COL14A1: variants seen among roughly 807,000 people sequenced by gnomAD.
COL14A1 encodes the protein collagen type XIV alpha 1 chain, also known as collagen alpha-1(XIV) chain.
A neutral mutation model predicts 230.3 loss-of-function variants in COL14A1; 136 were observed. That is an observed-to-expected ratio of 0.59 (90% CI 0.51 to 0.68). The LOEUF is 0.68. Ranked by LOEUF, COL14A1 falls within the 30% of genes least tolerant of loss-of-function variation. The probability of loss-of-function intolerance (pLI) is 0.00; values close to 1 mark genes in which losing one functional copy is unlikely to be tolerated. For synonymous variants in COL14A1, 792 were observed against 784.1 expected (o/e 1.01, Z -0.17); for missense variants, 1,976 against 2,215.8 (o/e 0.89, Z 2.17).
intron 13 of COL14A1, among the ~76,000 whole-genome samples, chr8:120,216,119 C>T (rs1817742110): frequency 6.6e-6 from 1 of 152,086 alleles, no homozygotes; most frequent in South Asian, 2.1e-4. Context: ...TTATTTCTAA[C>T]CATGTGTAAC....
intron 40 of COL14A1, among the ~76,000 whole-genome samples, chr8:120,327,136 GA>G (rs1821701696): frequency 6.6e-6 from 1 of 152,166 alleles, no homozygotes; most frequent in African/African-American, 2.4e-5. Context: ...GACAGTCCAT[GA>G]AAAAAGTGCC....
chr8:120,242,483 T>C (rs146710367), intron 19 of COL14A1, among the ~76,000 whole-genome samples: 6 of 152,318 alleles, frequency 3.9e-5, no homozygotes, highest in African/African-American at 1.4e-4. Flanking sequence ...GATGGACAAA[T>C]TGAAATGAAT....
intron 26 of COL14A1, 140 bp from the exon 27 acceptor site, chr8:120,277,971 G>A: frequency 1.3e-6 from 1 of 756,394 alleles, no homozygotes; most frequent in Non-Finnish European, 2.0e-6. Context: ...TATGTAACTT[G>A]TATGAAAGAA....
intron 14 of COL14A1, among the ~76,000 whole-genome samples, chr8:120,224,065 C>T (rs1036923610): frequency 8.0e-6 from 1 of 125,670 alleles, no homozygotes; most frequent in Non-Finnish European, 1.6e-5. Context: ...CTCATTCTGT[C>T]ACCCAGGCTG....
At chr8:120,289,845 G>C (rs1820318594) in intron 34 of COL14A1, 79 bp downstream of exon 34, 3 of 1,438,482 alleles carry the variant, frequency 2.1e-6, no homozygotes, top group Non-Finnish European at 2.8e-6. Context: ...ATTTTCCAGG[G>C]GAAAGGTTTA....
chr8:120,357,637 C>G (rs1339267907), intron 45 of COL14A1, among the ~76,000 whole-genome samples: 1 of 152,082 alleles, frequency 6.6e-6, no homozygotes, highest in Admixed American at 6.6e-5. Context: ...TAAAACAAGT[C>G]CTTCTGGCTG....
intron 36 of COL14A1, among the ~76,000 whole-genome samples, chr8:120,305,697 T>C (rs1207971724): frequency 6.6e-6 from 1 of 152,182 alleles, no homozygotes; most frequent in Non-Finnish European, 1.5e-5. Flanking sequence ...TCTTAATTTC[T>C]TAATTTTTGC....
At chr8:120,215,970 G>C (rs1817737855) in intron 13 of COL14A1, among the ~76,000 whole-genome samples, 1 of 152,192 alleles carries the variant, frequency 6.6e-6, no homozygotes, top group African/African-American at 2.4e-5. Flanking sequence ...CTTAGAGGTA[G>C]AGTGGCTTTG....
At chr8:120,230,866 C>G (rs530951662) in intron 18 of COL14A1, among the ~76,000 whole-genome samples, 39 of 152,264 alleles carry the variant, frequency 2.6e-4, no homozygotes, top group Admixed American at 2.2e-3. Flanking sequence ...AATAAGGGAG[C>G]AGGCACCTTG....
intron 24 of COL14A1, among the ~76,000 whole-genome samples, chr8:120,265,536 T>C (rs1819476930): frequency 1.3e-5 from 2 of 151,870 alleles, no homozygotes; most frequent in South Asian, 4.2e-4. Context: ...CCTCCCTCTT[T>C]CCTTGTTCTT....
intron 2 of COL14A1, among the ~76,000 whole-genome samples, chr8:120,150,775 T>C (rs1815254949): frequency 6.6e-6 from 1 of 152,026 alleles, no homozygotes; most frequent in African/African-American, 2.4e-5. Flanking sequence ...AGATGGCTGG[T>C]AGGCAGTTGG....
At position 120,147,927 on chromosome 8, in the gene COL14A1, C is replaced by G. The variant is rs1224150412; in HGVS notation, c.85C>G (p.Gln29Glu). 9.9e-6 allele frequency: 16 copies of G among 1,611,972 alleles called. No homozygotes were observed. The highest frequency in any genetic ancestry group is 1.4e-5 in the Non-Finnish European group (16 of 1,178,410). ...IVYFCTIVQG[Q>E]VAPPTRLRYN... ...TTATTTCTGCACCATTGTCCAAGGT[C>G]AAGGTAATTGAAAACTTTGAGAATC... Residue 29 changes from glutamine to glutamate, a missense_variant, in exon 2 of 48, where the codon CAA becomes GAA. Around this residue, in one of 3 missense-constraint regions of COL14A1, gnomAD observed 181 missense variants for 178.6 expected, o/e 1.01. Coordinates refer to ENST00000297848, the MANE Select transcript of COL14A1 (RefSeq NM_021110.4).
chr8:120,155,243 A>T (rs1328524209), intron 2 of COL14A1, among the ~76,000 whole-genome samples: 1 of 152,210 alleles, frequency 6.6e-6, no homozygotes, highest in Non-Finnish European at 1.5e-5. Flanking sequence ...TTAATGAAAG[A>T]GTAGAGTATT....
At chr8:120,126,500 G>A (rs1051364509) in intron 1 of COL14A1, among the ~76,000 whole-genome samples, 2 of 152,200 alleles carry the variant, frequency 1.3e-5, no homozygotes, top group East Asian at 1.9e-4. Flanking sequence ...AGCTGAAGGG[G>A]GTGGGAGTGG....
chr8:120,181,174 C>G (rs1816452972), intron 5 of COL14A1, among the ~76,000 whole-genome samples: 1 of 151,200 alleles, frequency 6.6e-6, no homozygotes, highest in South Asian at 2.1e-4. Context: ...ACTGAGATAT[C>G]TGGATTGAGA....
chr8:120,286,372 A>G (rs1043797194), intron 33 of COL14A1, among the ~76,000 whole-genome samples: 2 of 152,218 alleles, frequency 1.3e-5, no homozygotes, highest in African/African-American at 4.8e-5. Flanking sequence ...TAAAATGTGC[A>G]GATAGGGATA....
At chr8:120,238,020 C>T (rs1818500935) in intron 19 of COL14A1, among the ~76,000 whole-genome samples, 1 of 152,146 alleles carries the variant, frequency 6.6e-6, no homozygotes, top group Non-Finnish European at 1.5e-5. Flanking sequence ...CAGATGCCAG[C>T]TGGAGCTCTC....
At chr8:120,255,870 T>A (rs946377910) in intron 23 of COL14A1, among the ~76,000 whole-genome samples, 46 of 152,230 alleles carry the variant, frequency 3.0e-4, no homozygotes, top group African/African-American at 9.6e-4. Flanking sequence ...AACAAGTTCT[T>A]CAGCATTACA....
At chr8:120,361,445 C>T (rs1270712586) in intron 45 of COL14A1, among the ~76,000 whole-genome samples, 1 of 152,182 alleles carries the variant, frequency 6.6e-6, no homozygotes, top group Non-Finnish European at 1.5e-5. Context: ...GCAGAAATAG[C>T]AGAGCTTAAC....
Sources: gnomAD v4.1 joint callset for allele counts (sites outside exome capture counted in the v4.1 genomes callset) on GRCh38, gnomAD v4.1.1 for gene constraint, gnomAD v4.1.1 regional missense constraint, MANE v1.5 for transcripts, NCBI Gene and HGNC (gene_info 2026-07-23, HGNC 2026-07-21) for gene names.